The following CCDC102B variants were observed in gnomAD, a reference collection of about 807,000 sequenced individuals.
The protein encoded by CCDC102B is coiled-coil domain-containing protein 102B.
In CCDC102B, 75 loss-of-function variants were observed where a neutral mutation model predicts 57.4. The observed-to-expected ratio is 1.31, with a 90% CI of 1.08 to 1.58. The LOEUF is 1.58. CCDC102B is among the 40% of genes most tolerant of loss of function. CCDC102B has a pLI of 0.00. For synonymous variants in CCDC102B, 206 were observed against 201.9 expected, an observed-to-expected ratio of 1.02 and a Z score of -0.17; for missense variants, 636 against 582.6, an observed-to-expected ratio of 1.09 and a Z score of -0.94.
At chr18:68,991,929 C>T (rs1403685875) in intron 6 of CCDC102B, among the ~76,000 whole-genome samples, 1 of 151,910 alleles carries the variant, frequency 6.6e-6, no homozygotes, top group African/African-American at 2.4e-5. Flanking sequence ...TGTGAGATAC[C>T]CTCAGGATAA....
At chr18:68,830,259 C>A (rs2037089865) in intron 1 of CCDC102B, among the ~76,000 whole-genome samples, 1 of 151,968 alleles carries the variant, frequency 6.6e-6, no homozygotes, top group African/African-American at 2.4e-5. Flanking sequence ...TTAACAATAT[C>A]AGGCTTGTGC....
At chr18:68,930,692 G>A (rs2041640666) in intron 6 of CCDC102B, among the ~76,000 whole-genome samples, 1 of 151,926 alleles carries the variant, frequency 6.6e-6, no homozygotes, top group African/African-American at 2.4e-5. Context: ...GTAAATGTGA[G>A]GGTCCAAAAT....
intron 6 of CCDC102B, among the ~76,000 whole-genome samples, chr18:68,983,302 T>A (rs1162624822): frequency 2.0e-5 from 3 of 151,984 alleles, no homozygotes; most frequent in Non-Finnish European, 4.4e-5. Flanking sequence ...CATTTGGCAG[T>A]TGACCAGTTA....
chr18:68,811,333 A>G (rs1349044931), intron 1 of CCDC102B, among the ~76,000 whole-genome samples: 1 of 152,186 alleles, frequency 6.6e-6, no homozygotes, highest in Admixed American at 6.5e-5. Context: ...TGACAAACAC[A>G]TAAGAGGCTG....
chr18:68,897,550 T>A lies in CCDC102B; in HGVS notation c.1263+122T>A, dbSNP rs141713874. The A allele has an allele frequency of 3.5e-3, 5,490 of 1,552,172 alleles. 19 individuals carry two copies. Among genetic ancestry groups the A allele is most frequent in the Non-Finnish European group, 4.5e-3 (5,090 of 1,138,518 alleles). Reference sequence around the variant, plus strand: ...ATTTCCTTTTGTGCCAGCTAATACCTGATACTCCTTGCTCTTTTGCCCACT... The same window carrying A: ...ATTTCCTTTTGTGCCAGCTAATACCAGATACTCCTTGCTCTTTTGCCCACT... On this transcript the variant is annotated intron_variant, in intron 6 of 7. Transcript: ENST00000360242.
chr18:68,871,507 A>T (rs1376103115), intron 4 of CCDC102B, among the ~76,000 whole-genome samples: 1 of 152,228 alleles, frequency 6.6e-6, no homozygotes, highest in Non-Finnish European at 1.5e-5. Flanking sequence ...GCATAATTTT[A>T]AAATGTTCAA....
At chr18:69,020,659 C>A (rs1043877885) in intron 7 of CCDC102B, among the ~76,000 whole-genome samples, 2 of 152,016 alleles carry the variant, frequency 1.3e-5, no homozygotes, top group African/African-American at 4.8e-5. Context: ...TTGCACCAAC[C>A]TGATAATATC....
chr18:68,819,270 A>G (rs553726574), intron 1 of CCDC102B, among the ~76,000 whole-genome samples: 3 of 152,168 alleles, frequency 2.0e-5, no homozygotes, highest in African/African-American at 7.2e-5. Flanking sequence ...TTGGGAACTG[A>G]CTGTTTTAAA....
At chr18:68,807,763 C>G (rs2036085510) in intron 1 of CCDC102B, among the ~76,000 whole-genome samples, 1 of 152,054 alleles carries the variant, frequency 6.6e-6, no homozygotes, top group Admixed American at 6.6e-5. Context: ...GATCCCAGAT[C>G]AATCAGCAGT....
chr18:69,047,105 G>A (rs1269174562), intron 7 of CCDC102B, among the ~76,000 whole-genome samples: 1 of 151,888 alleles, frequency 6.6e-6, no homozygotes, highest in Non-Finnish European at 1.5e-5. Flanking sequence ...CACAACAACA[G>A]CAAACAAAAA....
chr18:68,799,052 G>C (rs2035744123), intron 1 of CCDC102B, among the ~76,000 whole-genome samples: 1 of 151,904 alleles, frequency 6.6e-6, no homozygotes, highest in South Asian at 2.1e-4. Flanking sequence ...AAAATAATGT[G>C]AATGTGTTTT....
chr18:68,804,623 T>C (rs1488322066), intron 1 of CCDC102B, among the ~76,000 whole-genome samples: 2 of 151,920 alleles, frequency 1.3e-5, no homozygotes, highest in African/African-American at 2.4e-5. Context: ...AAGGGAATGA[T>C]GAAATGGACA....
chr18:68,867,004 G>C, intron 4 of CCDC102B: 2 of 321,012 alleles, frequency 6.2e-6, no homozygotes, highest in Non-Finnish European at 1.2e-5. Context: ...CTGTGTTGTG[G>C]TCTGTAGGGC....
chr18:68,978,831 A>G (rs888531529), intron 6 of CCDC102B, among the ~76,000 whole-genome samples: 1 of 152,086 alleles, frequency 6.6e-6, no homozygotes, highest in African/African-American at 2.4e-5. Flanking sequence ...GAAACAGCAT[A>G]AACATTTATA....
intron 7 of CCDC102B, among the ~76,000 whole-genome samples, chr18:69,037,053 AT>A (rs1387569032): frequency 3.3e-5 from 5 of 151,220 alleles, no homozygotes; most frequent in African/African-American, 1.2e-4. Context: ...ACACACACAC[AT>A]ACATACATAT....
chr18:68,999,470 G>A (rs186473864), intron 6 of CCDC102B, among the ~76,000 whole-genome samples: 28 of 151,708 alleles, frequency 1.8e-4, no homozygotes, highest in African/African-American at 6.8e-4. Context: ...ACCCAGTATG[G>A]TGGTGCATGC....
intron 1 of CCDC102B, among the ~76,000 whole-genome samples, chr18:68,831,631 C>T (rs1479486613): frequency 6.6e-6 from 1 of 152,138 alleles, no homozygotes; most frequent in Non-Finnish European, 1.5e-5. Flanking sequence ...AAAAGCCTCT[C>T]ATTTGCACCA....
At chr18:69,031,351 C>T (rs1045723076) in intron 7 of CCDC102B, among the ~76,000 whole-genome samples, 6 of 151,970 alleles carry the variant, frequency 3.9e-5, no homozygotes, top group African/African-American at 1.2e-4. Flanking sequence ...GCTTATAATC[C>T]AATCATAAAA....
intron 2 of CCDC102B, among the ~76,000 whole-genome samples, chr18:68,738,610 C>T (rs1272652165): frequency 5.3e-5 from 8 of 152,194 alleles, no homozygotes; most frequent in African/African-American, 1.4e-4. Context: ...ATCTCTGCCA[C>T]GATGGCTGCT....
Sources: allele counts gnomAD v4.1 joint callset (sites outside exome capture counted in the v4.1 genomes callset), GRCh38; gene constraint gnomAD v4.1.1; transcripts MANE v1.5; gene names NCBI Gene and HGNC (gene_info 2026-07-23, HGNC 2026-07-21).